Variants in FLT1 observed in about 807,000 individuals in gnomAD.
FLT1 encodes the protein fms related receptor tyrosine kinase 1.
In FLT1, 49 loss-of-function variants were observed where a neutral mutation model predicts 156.3. The ratio of observed to expected loss-of-function variants is 0.31; its 90% CI spans 0.25 to 0.40. The LOEUF (loss-of-function observed/expected upper bound fraction) is 0.40, where lower values mean the gene tolerates loss of function less well. FLT1 is among the 10% of genes least tolerant of loss of function. The probability of loss-of-function intolerance (pLI) is 1.00; values close to 1 mark genes in which losing one functional copy is unlikely to be tolerated. For synonymous variants in FLT1, 594 were observed against 583.8 expected, an observed-to-expected ratio of 1.02 and a Z score of -0.25; for missense variants, 1,322 against 1,637.2, an observed-to-expected ratio of 0.81 and a Z score of 3.32.
At chr13:28,389,107 C>T (rs908074363) in intron 13 of FLT1, 6 of 1,063,322 alleles carry the variant, frequency 5.6e-6, no homozygotes, top group Non-Finnish European at 5.7e-6. Context: ...CCCTGGGGCC[C>T]ATTTTAGAAG....
At chr13:28,362,667 A>G (rs935239272) in intron 14 of FLT1, among the ~76,000 whole-genome samples, 3 of 152,166 alleles carry the variant, frequency 2.0e-5, no homozygotes, top group Non-Finnish European at 4.4e-5. Context: ...AAAACTTGGA[A>G]AAAACAACAA....
intron 3 of FLT1, among the ~76,000 whole-genome samples, chr13:28,452,198 G>C (rs1044991510): frequency 2.6e-5 from 4 of 152,160 alleles, no homozygotes; most frequent in African/African-American, 9.7e-5. Flanking sequence ...ACAAAGTTCT[G>C]AGGGAGTTGG....
intron 16 of FLT1, among the ~76,000 whole-genome samples, chr13:28,341,664 AT>A (rs1360264511): frequency 6.6e-6 from 1 of 152,154 alleles, no homozygotes; most frequent in East Asian, 1.9e-4. Context: ...TCAATGAGGA[AT>A]TTACATTGTC....
At chr13:28,320,061 G>C (rs965589530) in intron 23 of FLT1, among the ~76,000 whole-genome samples, 4 of 152,196 alleles carry the variant, frequency 2.6e-5, no homozygotes, top group African/African-American at 9.7e-5. Context: ...TATACAGTTA[G>C]TTTTCAAACA....
intron 27 of FLT1, among the ~76,000 whole-genome samples, chr13:28,311,313 G>A (rs1870990275): frequency 6.6e-6 from 1 of 152,162 alleles, no homozygotes; most frequent in African/African-American, 2.4e-5. Context: ...GTGCTATTAT[G>A]CCTTAAGCCT....
chr13:28,443,050 G>A (rs544145979), intron 3 of FLT1, among the ~76,000 whole-genome samples: 40 of 152,132 alleles, frequency 2.6e-4, no homozygotes, highest in Non-Finnish European at 4.6e-4. Flanking sequence ...AAAGACTGCC[G>A]GTGTACTGGC....
intron 14 of FLT1, among the ~76,000 whole-genome samples, chr13:28,360,909 T>C (rs1179254127): frequency 6.6e-6 from 1 of 152,216 alleles, no homozygotes; most frequent in Non-Finnish European, 1.5e-5. Context: ...ATCCTTCCCA[T>C]TGTATACATG....
intron 14 of FLT1, among the ~76,000 whole-genome samples, chr13:28,357,907 G>A (rs1272505027): frequency 3.8e-5 from 4 of 106,062 alleles, no homozygotes; most frequent in Non-Finnish European, 6.9e-5. Context: ...CTTTCTAATA[G>A]CACCTTCACC....
intron 3 of FLT1, among the ~76,000 whole-genome samples, chr13:28,438,942 T>A (rs1430741926): frequency 1.3e-5 from 2 of 152,214 alleles, no homozygotes; most frequent in Non-Finnish European, 2.9e-5. Context: ...GGAGAAGCTG[T>A]GTTGAATGCT....
chr13:28,495,008 C>T lies in FLT1; in HGVS notation c.-165G>A, dbSNP rs965266067. ...CCACTTCCCCGGGTAATCCTCGCCG[C>T]CAGGCGCCCGCTGGCCGCTGCACCC... On this transcript the variant is annotated 5_prime_UTR_variant, in exon 1 of 30. Coordinates refer to ENST00000282397, the MANE Select transcript of FLT1 (RefSeq NM_002019.4). The surrounding 1 kb of genome is among the most constrained non-coding windows in gnomAD (Gnocchi z 4.1). The T allele has an allele frequency of 1.9e-5, 10 of 518,982 alleles. No homozygotes were observed. Among genetic ancestry groups the T allele is most frequent in the African/African-American group, 1.8e-4 (9 of 49,342 alleles). The allele number at this position is 518,982 out of a possible 1,614,324, so 32.1% of individuals were successfully genotyped here.
intron 17 of FLT1, among the ~76,000 whole-genome samples, chr13:28,336,102 G>A (rs993989759): frequency 6.6e-6 from 1 of 152,204 alleles, no homozygotes; most frequent in South Asian, 2.1e-4. Context: ...ACCCTTGCAT[G>A]TTTGGGGCAG....
intron 14 of FLT1, among the ~76,000 whole-genome samples, chr13:28,363,895 A>C (rs893233163): frequency 2.3e-4 from 35 of 152,186 alleles, no homozygotes; most frequent in African/African-American, 7.7e-4. Flanking sequence ...GGGGTGAACC[A>C]CTGCTCCCAG....
In FLT1 at chr13:28,311,979, A is replaced by G; in HGVS notation, c.3492+14T>C. The G allele has an allele frequency of 6.4e-7, 1 of 1,560,572 alleles. No individual in the cohort carries two copies. Among genetic ancestry groups the G allele is most frequent in the African/African-American group, 1.4e-5 (1 of 73,914 alleles). On this transcript the variant is annotated intron_variant, in intron 26 of 29. Coordinates refer to ENST00000282397, the MANE Select transcript of FLT1 (RefSeq NM_002019.4). ...CATTCAAAGGCATTTTGATGTAAATAAATTTAGTTTTACCTGTTGTACATT... is the reference window on the plus strand; with the variant it reads ...CATTCAAAGGCATTTTGATGTAAATGAATTTAGTTTTACCTGTTGTACATT...
intron 23 of FLT1, among the ~76,000 whole-genome samples, chr13:28,319,839 A>C (rs528055825): frequency 6.6e-6 from 1 of 152,340 alleles, no homozygotes; most frequent in African/African-American, 2.4e-5. Context: ...TGCACTCCAC[A>C]GGGACACACT....
At chr13:28,340,546 T>C (rs536751549) in intron 16 of FLT1, among the ~76,000 whole-genome samples, 2 of 152,358 alleles carry the variant, frequency 1.3e-5, no homozygotes, top group African/African-American at 4.8e-5. Flanking sequence ...TGTTTTCCCA[T>C]ATAACTCTTG....
At chr13:28,424,516 CAT>C (rs1304337326) in intron 10 of FLT1, among the ~76,000 whole-genome samples, 4 of 152,038 alleles carry the variant, frequency 2.6e-5, no homozygotes, top group Non-Finnish European at 5.9e-5. Context: ...AACATATTTA[CAT>C]ATTTATTAGA....
chr13:28,396,493 T>G (rs992932561), intron 12 of FLT1, among the ~76,000 whole-genome samples: 4 of 152,192 alleles, frequency 2.6e-5, no homozygotes, highest in Non-Finnish European at 5.9e-5. Flanking sequence ...TTAATAAAGC[T>G]CTGTTTCAGA....
At chr13:28,455,878 C>T (rs991846281) in intron 3 of FLT1, among the ~76,000 whole-genome samples, 1 of 152,194 alleles carries the variant, frequency 6.6e-6, no homozygotes, top group African/African-American at 2.4e-5. Flanking sequence ...AGGTGCTCCA[C>T]GTCATGTCAT....
At chr13:28,388,747 T>G (rs1312490408) in intron 13 of FLT1, 5 of 1,059,078 alleles carry the variant, frequency 4.7e-6, no homozygotes, top group Non-Finnish European at 4.6e-6. Context: ...TTTAGAAGAA[T>G]GCATTAAATC....
Sources: gnomAD v4.1 joint callset for allele counts (sites outside exome capture counted in the v4.1 genomes callset) on GRCh38, gnomAD v4.1.1 for gene constraint, Gnocchi (gnomAD v3.1) non-coding constraint, MANE v1.5 for transcripts, NCBI Gene and HGNC (gene_info 2026-07-23, HGNC 2026-07-21) for gene names.